Variants in NFATC2 observed in about 807,000 individuals in gnomAD.
The protein encoded by NFATC2 is nuclear factor of activated T-cells, cytoplasmic 2.
In NFATC2, 22 loss-of-function variants were observed where a neutral mutation model predicts 87.3. The observed-to-expected ratio is 0.25, with a 90% CI of 0.18 to 0.36. The LOEUF is 0.36. Among genes scored for constraint, NFATC2 ranks in the 10% least tolerant of loss-of-function variants. The pLI is 1.00. For missense variants in NFATC2, 1,149 were observed against 1,259.1 expected (o/e 0.91, Z 1.32); for synonymous variants, 565 against 542.2 (o/e 1.04, Z -0.58).
At chr20:51,481,455 T>A (rs534335506) in intron 3 of NFATC2, among the ~76,000 whole-genome samples, 113 of 152,046 alleles carry the variant, frequency 7.4e-4, no homozygotes, top group African/African-American at 2.6e-3. Context: ...GTCACTGGCC[T>A]CCCGAGCAAA....
intron 1 of NFATC2, among the ~76,000 whole-genome samples, chr20:51,561,472 A>C (rs187902726): frequency 4.4e-5 from 6 of 137,528 alleles, no homozygotes; most frequent in African/African-American, 1.1e-4. Flanking sequence ...AGAAAGAAAG[A>C]AAGAAAGAAA....
chr20:51,474,585 T>C (rs1988533084), intron 4 of NFATC2, among the ~76,000 whole-genome samples: 1 of 152,174 alleles, frequency 6.6e-6, no homozygotes, highest in South Asian at 2.1e-4. Context: ...TGCAAATACC[T>C]CTCAAACAGT....
chr20:51,516,286 A>G (rs965793379), intron 3 of NFATC2, among the ~76,000 whole-genome samples: 1 of 152,238 alleles, frequency 6.6e-6, no homozygotes, highest in Non-Finnish European at 1.5e-5. Flanking sequence ...GAATAGAAAT[A>G]TATGGTAACA....
At chr20:51,527,273 A>G (rs1276040864) in intron 1 of NFATC2, among the ~76,000 whole-genome samples, 1 of 151,990 alleles carries the variant, frequency 6.6e-6, no homozygotes, top group Non-Finnish European at 1.5e-5. Context: ...CCCTGCCTCA[A>G]CAGCTCCTCC....
intron 3 of NFATC2, among the ~76,000 whole-genome samples, chr20:51,506,462 C>A (rs895828442): frequency 1.3e-5 from 2 of 152,144 alleles, no homozygotes; most frequent in African/African-American, 4.8e-5. Flanking sequence ...AACAGAGCCC[C>A]GTGAGAAGCC....
At chr20:51,543,358 A>G (rs2076856193), upstream of NFATC2, among the ~76,000 whole-genome samples, 1 of 152,234 alleles carries the variant, frequency 6.6e-6, no homozygotes, top group Non-Finnish European at 1.5e-5. Context: ...GAGAAACAGG[A>G]CAAAAAGCAT....
At chr20:51,451,199 C>T (rs1242150484) in intron 6 of NFATC2, among the ~76,000 whole-genome samples, 4 of 152,292 alleles carry the variant, frequency 2.6e-5, no homozygotes, top group Admixed American at 2.0e-4. Flanking sequence ...CAGGACAGCT[C>T]GGGGGAGCTG....
intron 5 of NFATC2, among the ~76,000 whole-genome samples, chr20:51,455,479 G>T (rs1216337462): frequency 1.3e-5 from 2 of 151,520 alleles, no homozygotes; most frequent in African/African-American, 2.4e-5. Context: ...GCAGTACCCA[G>T]CCCGGTCCCT....
At chr20:51,447,645 C>T (rs1456572838) in intron 6 of NFATC2, among the ~76,000 whole-genome samples, 1 of 152,228 alleles carries the variant, frequency 6.6e-6, no homozygotes, top group East Asian at 1.9e-4. Flanking sequence ...CCCGACTCCG[C>T]CTGAGGCCCT....
At position 51,524,394 on chromosome 20, in the gene NFATC2, T is replaced by G. The variant is rs2076508894; in HGVS notation, c.131-284A>C. 6.6e-6 allele frequency among the ~76,000 whole-genome samples: 1 copy of G among 151,734 alleles called. No homozygotes were observed. Among genetic ancestry groups the G allele is most frequent in the Non-Finnish European group, 1.5e-5 (1 of 67,924 alleles). ...ATGAAACCCTTCGGAGAAGTGCACT[T>G]TATCTCACAACCCCATTCACGCCAC... is the stretch of plus-strand genomic sequence containing the variant. On this transcript the variant is annotated intron_variant, in intron 1 of 10. Transcript: ENST00000371564. This position sits in a 1 kb window ranked among gnomAD's most constrained non-coding sequence, Gnocchi z 4.0.
chr20:51,544,410 C>G (rs1478776919), upstream of NFATC2, among the ~76,000 whole-genome samples: 1 of 152,166 alleles, frequency 6.6e-6, no homozygotes, highest in Admixed American at 6.5e-5. Context: ...GATTCGAATC[C>G]TTCCCCATGT....
chr20:51,422,859 G>A (rs1600700475), intron 9 of NFATC2, among the ~76,000 whole-genome samples: 1 of 152,190 alleles, frequency 6.6e-6, no homozygotes, highest in East Asian at 1.9e-4. Context: ...ATAATCTAGT[G>A]TATGAAATGA....
chr20:51,425,746 G>A (rs1050919721), intron 9 of NFATC2, among the ~76,000 whole-genome samples: 3 of 152,202 alleles, frequency 2.0e-5, no homozygotes, highest in African/African-American at 7.2e-5. Flanking sequence ...TGCTTCCTGA[G>A]CTTTGGAGGG....
Position 51,407,465 on chromosome 20 carries a change from G to A in NFATC2, c.2723-8735C>T, listed in dbSNP as rs574281597. ...GAAAGAATGGACAAATAAATGAACC[G>A]ACTATGGCTTCCGGGTATTGGCAAC... On this transcript the variant is annotated intron_variant, in intron 9 of 10. Transcript: ENST00000371564. Among the ~76,000 whole-genome samples, 6 of 152,336 alleles carry A rather than the reference G, an allele frequency of 3.9e-5. No individual in the cohort carries two copies. The East Asian group carries it at 5.8e-4, about 15-fold the overall frequency.
chr20:51,432,585 A>G lies in NFATC2; in HGVS notation c.2204T>C (p.Leu735Pro). The G allele has an allele frequency of 6.5e-7, 1 of 1,530,912 alleles. No homozygotes were observed. Among genetic ancestry groups the G allele is most frequent in the Non-Finnish European group, 8.8e-7 (1 of 1,140,276 alleles). The allele number at this position is 1,530,912 out of a possible 1,614,324, so 94.8% of individuals were successfully genotyped here. A position where few individuals can be genotyped will look rare whatever the true frequency, so the allele number is the denominator to read the frequency against. ...MAPCQQFRTG[L>P]SSPDARYQQQ... ...CTGGTAGCGGGCGTCAGGGGATGAG[A>G]GCCCCGTGCGGAACTGCTGGCAGGG... The change falls in exon 9 of 11, where the codon CTC (leucine) becomes CCC (proline). Residue 735 changes from leucine to proline, a missense_variant. Physicochemically the swap from Leu to Pro is moderately conservative, Grantham distance 98 (BLOSUM62 -3). Transcript: ENST00000371564. The surrounding 1 kb of genome is among the most constrained non-coding windows in gnomAD (Gnocchi z 4.6).
At chr20:51,525,706 C>T (rs2076533713) in intron 1 of NFATC2, among the ~76,000 whole-genome samples, 1 of 152,068 alleles carries the variant, frequency 6.6e-6, no homozygotes, top group Non-Finnish European at 1.5e-5. Flanking sequence ...CTCCCCATTC[C>T]ATCGCATCCA....
intron 3 of NFATC2, among the ~76,000 whole-genome samples, chr20:51,495,353 G>T (rs1223249765): frequency 6.6e-6 from 1 of 152,218 alleles, no homozygotes; most frequent in Admixed American, 6.5e-5. Context: ...CTCCCAAAGT[G>T]CTGGGATTAT....
intron 9 of NFATC2, among the ~76,000 whole-genome samples, chr20:51,410,953 T>C (rs903445887): frequency 6.6e-6 from 1 of 152,180 alleles, no homozygotes; most frequent in Non-Finnish European, 1.5e-5. Context: ...CCTACCAATT[T>C]ACCTGGCTGG....
At position 51,480,316 on chromosome 20, in the gene NFATC2, A is replaced by G. The variant is rs995056010; in HGVS notation, c.1333-4656T>C. ...AAAAATAGAATGTGCTTCCTGCCGCACAGGAGAGAGAGTGGGGCAGGAAGG... is the reference window on the plus strand; with the variant it reads ...AAAAATAGAATGTGCTTCCTGCCGCGCAGGAGAGAGAGTGGGGCAGGAAGG... On this transcript the variant is annotated intron_variant, in intron 3 of 10. Transcript: ENST00000371564. The surrounding 1 kb of genome is among the most constrained non-coding windows in gnomAD (Gnocchi z 4.2). 2.8e-4 allele frequency among the ~76,000 whole-genome samples: 40 copies of G among 142,308 alleles called. No homozygotes were observed. Among genetic ancestry groups the G allele is most frequent in the African/African-American group, 7.3e-4 (26 of 35,494 alleles). The allele number at this position is 142,308 out of a possible 152,430, so 93.4% of individuals were successfully genotyped here. A position where few individuals can be genotyped will look rare whatever the true frequency, so the allele number is the denominator to read the frequency against.
Sources: gnomAD v4.1 joint callset for allele counts (sites outside exome capture counted in the v4.1 genomes callset) on GRCh38, gnomAD v4.1.1 for gene constraint, Gnocchi (gnomAD v3.1) non-coding constraint, MANE v1.5 for transcripts, NCBI Gene and HGNC (gene_info 2026-07-23, HGNC 2026-07-21) for gene names.